Variants in GPC5 observed in about 807,000 individuals in gnomAD.
The protein encoded by GPC5 is glypican-5.
Under a neutral mutation model 53.9 loss-of-function variants are expected in GPC5, and 47 were observed. The ratio of observed to expected loss-of-function variants is 0.87; its 90% confidence interval spans 0.69 to 1.11. GPC5 has a LOEUF of 1.11. Among genes scored for constraint, GPC5 ranks in the 50% most tolerant of loss-of-function variants. GPC5 has a pLI of 0.00. For synonymous variants in GPC5, 286 were observed against 263.3 expected, an observed-to-expected ratio of 1.09 and a Z score of -0.84; for missense variants, 748 against 713.1, an observed-to-expected ratio of 1.05 and a Z score of -0.56.
intron 7 of GPC5, among the ~76,000 whole-genome samples, chr13:92,614,893 C>A (rs758362578): frequency 2.6e-4 from 39 of 152,150 alleles, no homozygotes; most frequent in Non-Finnish European, 4.9e-4. Context: ...CTAGAAACAT[C>A]TTTTACAAAA....
chr13:92,059,617 C>T (rs962955954), intron 6 of GPC5, among the ~76,000 whole-genome samples: 12 of 151,754 alleles, frequency 7.9e-5, no homozygotes, highest in Admixed American at 6.6e-5. Context: ...TTTATAATGA[C>T]GGTAGGATAG....
At chr13:91,634,612 G>T (rs996281501) in intron 2 of GPC5, among the ~76,000 whole-genome samples, 2 of 151,854 alleles carry the variant, frequency 1.3e-5, no homozygotes. Flanking sequence ...TTATACTTTT[G>T]GGAGTAATAA....
At chr13:92,008,915 A>G (rs1026723901) in intron 6 of GPC5, among the ~76,000 whole-genome samples, 7 of 152,140 alleles carry the variant, frequency 4.6e-5, no homozygotes, top group East Asian at 1.9e-4. Flanking sequence ...TATGTCTTCA[A>G]ATTCACCAAT....
chr13:92,560,284 G>A (rs1594304987), intron 7 of GPC5, among the ~76,000 whole-genome samples: 3 of 152,056 alleles, frequency 2.0e-5, no homozygotes, highest in African/African-American at 7.2e-5. Flanking sequence ...GAGAATATTG[G>A]ATTTCTACTG....
At chr13:91,497,894 T>C (rs1389082334) in intron 2 of GPC5, among the ~76,000 whole-genome samples, 2 of 152,162 alleles carry the variant, frequency 1.3e-5, no homozygotes, top group Non-Finnish European at 2.9e-5. Flanking sequence ...AATCATATCA[T>C]GGAAAGTGGG....
intron 6 of GPC5, among the ~76,000 whole-genome samples, chr13:92,083,280 C>T (rs2041310742): frequency 6.6e-6 from 1 of 152,100 alleles, no homozygotes; most frequent in South Asian, 2.1e-4. Context: ...CCAGCAGTGA[C>T]ATTCTCTTTC....
At chr13:92,561,413 C>T (rs1882689736) in intron 7 of GPC5, among the ~76,000 whole-genome samples, 1 of 152,018 alleles carries the variant, frequency 6.6e-6, no homozygotes, top group African/African-American at 2.4e-5. Context: ...TTGAACAAGT[C>T]ACTTAAATGC....
At chr13:92,282,055 AC>A (rs1346851853) in intron 7 of GPC5, among the ~76,000 whole-genome samples, 1 of 152,212 alleles carries the variant, frequency 6.6e-6, no homozygotes, top group Non-Finnish European at 1.5e-5. Flanking sequence ...TCCTTAAATG[AC>A]CTGATGGAGC....
At chr13:92,590,886 A>G (rs1026751106) in intron 7 of GPC5, among the ~76,000 whole-genome samples, 1 of 152,134 alleles carries the variant, frequency 6.6e-6, no homozygotes, top group Admixed American at 6.5e-5. Flanking sequence ...AGGTTTTCTC[A>G]TTGTATGATA....
intron 7 of GPC5, among the ~76,000 whole-genome samples, chr13:92,760,137 A>G (rs1266113507): frequency 6.6e-6 from 1 of 152,042 alleles, no homozygotes; most frequent in Non-Finnish European, 1.5e-5. Flanking sequence ...TTTGGCCTAT[A>G]GTTTATTTTC....
At chr13:92,790,938 C>T (rs1306802334) in intron 7 of GPC5, among the ~76,000 whole-genome samples, 5 of 152,044 alleles carry the variant, frequency 3.3e-5, no homozygotes, top group Non-Finnish European at 5.9e-5. Flanking sequence ...GAGATGCAAA[C>T]TTACCTAGGT....
intron 7 of GPC5, among the ~76,000 whole-genome samples, chr13:92,254,335 A>G (rs1355893495): frequency 1.3e-5 from 2 of 152,196 alleles, no homozygotes; most frequent in Non-Finnish European, 2.9e-5. Context: ...CTCAAAAATT[A>G]GTGGAAACCT....
intron 2 of GPC5, among the ~76,000 whole-genome samples, chr13:91,663,051 G>A (rs1305144535): frequency 6.6e-6 from 1 of 152,194 alleles, no homozygotes; most frequent in African/African-American, 2.4e-5. Flanking sequence ...ATGTCTAAGA[G>A]GTTGTGGGGA....
chr13:91,754,429 A>G (rs776305558), intron 4 of GPC5, among the ~76,000 whole-genome samples: 3 of 152,134 alleles, frequency 2.0e-5, no homozygotes, highest in Admixed American at 6.6e-5. Flanking sequence ...AGCTTTCTCT[A>G]TGAGGATCTA....
chr13:92,762,080 C>A, intron 7 of GPC5, among the ~76,000 whole-genome samples: 1 of 151,248 alleles, frequency 6.6e-6, no homozygotes, highest in South Asian at 2.1e-4. Context: ...TATGAAAACA[C>A]ATGGAAGTAT....
At chr13:92,862,010 G>A (rs1879198206) in intron 7 of GPC5, among the ~76,000 whole-genome samples, 1 of 152,162 alleles carries the variant, frequency 6.6e-6, no homozygotes, top group African/African-American at 2.4e-5. Flanking sequence ...CATAGCTAAA[G>A]TCAACCAGCT....
chr13:92,512,260 G>GCA lies in GPC5; in HGVS notation c.1562-354021_1562-354020insAC, dbSNP rs1447266726. The stretch of plus-strand genomic sequence containing the variant: ...TGTGTGTGTGTGTGTGCGCGCGCGC[G>GCA]CGCGTACGCTGTGTGCATGCACGCT... On this transcript the variant is annotated intron_variant, in intron 7 of 7. Coordinates refer to ENST00000377067, the MANE Select transcript of GPC5 (RefSeq NM_004466.6). 3.5e-3 allele frequency among the ~76,000 whole-genome samples: 534 copies of GCA among 151,964 alleles called. 1 individual carries two copies. The highest frequency in any genetic ancestry group is 0.012 in the African/African-American group (496 of 41,464).
At chr13:92,751,843 T>C (rs1889412647) in intron 7 of GPC5, among the ~76,000 whole-genome samples, 1 of 152,206 alleles carries the variant, frequency 6.6e-6, no homozygotes, top group African/African-American at 2.4e-5. Context: ...AATCTATGTG[T>C]TTCTCCCATT....
At chr13:91,997,127 T>C (rs1309717999) in intron 6 of GPC5, among the ~76,000 whole-genome samples, 1 of 152,194 alleles carries the variant, frequency 6.6e-6, no homozygotes, top group Non-Finnish European at 1.5e-5. Context: ...CATTGGTTCA[T>C]AGAGTTGAAT....
Sources: allele counts gnomAD v4.1 joint callset (sites outside exome capture counted in the v4.1 genomes callset), GRCh38; gene constraint gnomAD v4.1.1; transcripts MANE v1.5; gene names NCBI Gene and HGNC (gene_info 2026-07-23, HGNC 2026-07-21).